Variants in MYO10 observed in about 807,000 individuals in gnomAD.
The protein encoded by MYO10 is myosin X, also known as unconventional myosin-X.
A neutral mutation model predicts 257.3 loss-of-function variants in MYO10; 133 were observed. The ratio of observed to expected loss-of-function variants is 0.52; its 90% CI spans 0.45 to 0.60. The LOEUF is 0.60. Among genes scored for constraint, MYO10 ranks in the 20% least tolerant of loss-of-function variants. The pLI is 0.00. For missense variants in MYO10, 2,399 were observed against 2,635.7 expected (o/e 0.91, Z 1.97); for synonymous variants, 1,104 against 1,028.6 (o/e 1.07, Z -1.40).
At chr5:16,884,727 ATTC>A (rs1416598051) in intron 1 of MYO10, among the ~76,000 whole-genome samples, 2 of 134,998 alleles carry the variant, frequency 1.5e-5, no homozygotes, top group East Asian at 2.1e-4. Context: ...TTTTTTTCTG[ATTC>A]TTATTACTCA....
chr5:16,780,698 G>T, intron 7 of MYO10, 30 bp downstream of exon 7: 1 of 1,559,460 alleles, frequency 6.4e-7, no homozygotes, highest in Non-Finnish European at 8.7e-7. Context: ...TATTATGGAA[G>T]AAAATGTGGA....
chr5:16,747,912 C>T (rs111906422), intron 19 of MYO10, among the ~76,000 whole-genome samples: 14,511 of 99,640 alleles, frequency 0.15, 2,638 homozygotes, highest in African/African-American at 0.42. Flanking sequence ...GAGCGAAACT[C>T]CGTCTCAAAA....
rs1738071900 is a variant in MYO10 at position 16,701,533 on chromosome 5, G to A, written c.2862C>T (p.Val954=). The change falls in exon 25 of 41, where the codon GTC becomes GTT. Residue 954 remains valine, a synonymous_variant. Transcript: ENST00000513610. The surrounding 1 kb of genome is among the most constrained non-coding windows in gnomAD (Gnocchi z 8.1). The stretch of plus-strand genomic sequence containing the variant: ...CCGACAGGGACCGCTCGATATTCCG[G>A]ACACACTCGTCGATCTCGTCGAAAT... ...SLNFDEIDEC[V]RNIERSLSVG... 4 of 1,613,926 alleles carry A rather than the reference G, an allele frequency of 2.5e-6. No individual in the cohort carries two copies. The highest frequency in any genetic ancestry group is 3.4e-6 in the Non-Finnish European group (4 of 1,179,884).
In MYO10 at chr5:16,663,779, T is replaced by C. The variant is rs1313331572; in HGVS notation, c.*2913A>G. On this transcript the variant is annotated 3_prime_UTR_variant, in exon 41 of 41. Coordinates refer to ENST00000513610, the MANE Select transcript of MYO10 (RefSeq NM_012334.3). ...TGCAGCATTTATGTTGTGCTAGGTA[T>C]CTGTAACCTGGAGATGATTTAAAGG... 1 of 151,814 alleles carries C rather than the reference T, an allele frequency of 6.6e-6. No homozygotes were observed. The highest frequency in any genetic ancestry group is 1.9e-4 in the East Asian group (1 of 5,162). 9.4% of individuals were successfully genotyped at this position (151,814 alleles called of 1,614,324 possible). A position where few individuals can be genotyped will look rare whatever the true frequency, so the allele number is the denominator to read the frequency against.
At chr5:16,707,237 C>T (rs1738387710) in intron 21 of MYO10, among the ~76,000 whole-genome samples, 2 of 152,196 alleles carry the variant, frequency 1.3e-5, no homozygotes, top group Admixed American at 1.3e-4. Context: ...TTATAAATTA[C>T]CCAGTCTCGG....
At chr5:16,681,826 A>C (rs1158698985) in intron 31 of MYO10, 45 bp downstream of exon 31, 1 of 1,585,376 alleles carries the variant, frequency 6.3e-7, no homozygotes, top group Non-Finnish European at 8.6e-7. Context: ...GCAAATGGAA[A>C]GGGGAGTCTG....
At chr5:16,804,462 G>A (rs1742211242) in intron 3 of MYO10, among the ~76,000 whole-genome samples, 1 of 152,172 alleles carries the variant, frequency 6.6e-6, no homozygotes, top group Admixed American at 6.6e-5. Flanking sequence ...ACTTACTACT[G>A]GGTTTTTACT....
intron 30 of MYO10, 51 bp downstream of exon 30, chr5:16,683,829 G>C: frequency 6.4e-7 from 1 of 1,551,666 alleles, no homozygotes; most frequent in Non-Finnish European, 8.9e-7. Context: ...GACACCTGTG[G>C]ACACACACAG....
At chr5:16,800,650 C>G (rs544497114) in intron 3 of MYO10, among the ~76,000 whole-genome samples, 1 of 152,264 alleles carries the variant, frequency 6.6e-6, no homozygotes, top group South Asian at 2.1e-4. Flanking sequence ...TACAATGAAA[C>G]CACCCCAGGC....
Position 16,689,755 on chromosome 5 carries a change from G to C in MYO10, c.3896+69C>G. 2.2e-5 allele frequency: 28 copies of C among 1,299,592 alleles called. No homozygotes were observed. In the South Asian group the frequency reaches 3.2e-4, roughly 15 times the overall value. The allele number at this position is 1,299,592 out of a possible 1,614,324, so 80.5% of individuals were successfully genotyped here. ...AGGCCAGTACAGTAAACAGTGCTCT[G>C]TGTGATGCTCACACCTGTGCATGAG... On this transcript the variant is annotated intron_variant, in intron 28 of 40. Transcript: ENST00000513610.
intron 2 of MYO10, among the ~76,000 whole-genome samples, chr5:16,868,981 G>C (rs769499952): frequency 2.6e-5 from 4 of 152,066 alleles, no homozygotes; most frequent in Non-Finnish European, 4.4e-5. Context: ...AAATAAGAAA[G>C]CATGGGTTGG....
At chr5:16,817,567 C>G (rs982807092) in intron 3 of MYO10, among the ~76,000 whole-genome samples, 13 of 152,138 alleles carry the variant, frequency 8.5e-5, no homozygotes, top group Admixed American at 5.2e-4. Flanking sequence ...AGTTATCACC[C>G]TAGGGTGGGC....
At chr5:16,926,777 AAACT>A (rs1363075012) in intron 1 of MYO10, among the ~76,000 whole-genome samples, 1 of 152,188 alleles carries the variant, frequency 6.6e-6, no homozygotes, top group Non-Finnish European at 1.5e-5. Flanking sequence ...TCCGTAAAAC[AAACT>A]ATTGTGACAA....
At chr5:16,718,043 G>A (rs941855847) in intron 19 of MYO10, among the ~76,000 whole-genome samples, 9 of 152,212 alleles carry the variant, frequency 5.9e-5, no homozygotes, top group African/African-American at 2.2e-4. Context: ...CCCCGCACTC[G>A]GAGCAGCCAG....
At chr5:16,829,374 C>G (rs972768944) in intron 2 of MYO10, among the ~76,000 whole-genome samples, 1 of 152,116 alleles carries the variant, frequency 6.6e-6, no homozygotes, top group Non-Finnish European at 1.5e-5. Context: ...TTTCTAGAGA[C>G]AAGAGATAAA....
chr5:16,821,591 C>T (rs979784455), intron 2 of MYO10, among the ~76,000 whole-genome samples: 19 of 151,346 alleles, frequency 1.3e-4, no homozygotes, highest in Non-Finnish European at 2.4e-4. Context: ...ATCAGCCTCC[C>T]GAGTAGCTGG....
intron 2 of MYO10, among the ~76,000 whole-genome samples, chr5:16,875,719 C>T (rs934751781): frequency 1.3e-5 from 2 of 152,202 alleles, no homozygotes; most frequent in African/African-American, 4.8e-5. Flanking sequence ...ACCAAGTAGA[C>T]CGCCCCTGCT....
At chr5:16,909,604 C>G (rs151103585) in intron 1 of MYO10, among the ~76,000 whole-genome samples, 1 of 151,898 alleles carries the variant, frequency 6.6e-6, no homozygotes, top group Non-Finnish European at 1.5e-5. Flanking sequence ...ATTCAATTAC[C>G]TTCCACTGGG....
intron 23 of MYO10, 48 bp from the exon 24 acceptor site, chr5:16,702,636 A>G: frequency 2.0e-6 from 3 of 1,521,526 alleles, no homozygotes; most frequent in Non-Finnish European, 2.7e-6. Flanking sequence ...TAACCCTGGA[A>G]CCACTTTTCA....
Sources: gnomAD v4.1 joint callset for allele counts (sites outside exome capture counted in the v4.1 genomes callset) on GRCh38, gnomAD v4.1.1 for gene constraint, Gnocchi (gnomAD v3.1) non-coding constraint, MANE v1.5 for transcripts, NCBI Gene and HGNC (gene_info 2026-07-23, HGNC 2026-07-21) for gene names.